Variants in SLC11A2 observed in about 807,000 individuals in gnomAD.
SLC11A2 encodes solute carrier family 11 member 2, also known as natural resistance-associated macrophage protein 2.
SLC11A2 carries 38 observed loss-of-function variants against 68.0 expected under a neutral mutation model. That is an observed-to-expected ratio of 0.56 (90% CI 0.43 to 0.73). The LOEUF is 0.73. Ranked by LOEUF, SLC11A2 falls within the 30% of genes least tolerant of loss-of-function variation. The probability of loss-of-function intolerance (pLI) is 0.00; values close to 1 mark genes in which losing one functional copy is unlikely to be tolerated. For missense variants in SLC11A2, 517 were observed against 690.5 expected (o/e 0.75, Z 2.82); for synonymous variants, 242 against 250.6 (o/e 0.97, Z 0.32).
Position 50,999,357 on chromosome 12 carries a change from A to G in SLC11A2, c.595T>C (p.Leu199=). The G allele has an allele frequency of 1.9e-6, 3 of 1,614,002 alleles. No homozygotes were observed. The highest frequency in any genetic ancestry group is 2.2e-5 in the East Asian group (1 of 44,888). The change falls in exon 7 of 16, where the codon TTG becomes CTG. Residue 199 remains leucine (L), a synonymous_variant. Transcript: ENST00000262052. ...CCGCTCTCCTTACCATATTTGTCCA[A>G]GAAGAGAAATACAAAAGTATCTGCA... ...TIADTFVFLF[L]DKYGLRKLEA... is the part of the protein sequence containing the mutation.
the SLC11A2 span, chr12:50,953,808 C>G: frequency 1.9e-6 from 1 of 522,972 alleles, no homozygotes; most frequent in African/African-American, 1.9e-5. Context: ...ATCCCCTTCC[C>G]CTGCAAAATG....
intron 3 of SLC11A2, chr12:51,005,639 AG>A: frequency 7.2e-7 from 1 of 1,395,408 alleles, no homozygotes; most frequent in Non-Finnish European, 9.5e-7. Flanking sequence ...TCCAAGTCAA[AG>A]CTCTTCCCTT....
chr12:51,024,930 T>C (rs912981430), intron 1 of SLC11A2: 1 of 152,170 alleles, frequency 6.6e-6, no homozygotes, highest in South Asian at 2.1e-4. Context: ...GCCTTTTTAG[T>C]ACTGGCTCCA....
At chr12:51,017,790 CT>C (rs1439626048) in intron 1 of SLC11A2, among the ~76,000 whole-genome samples, 1 of 152,100 alleles carries the variant, frequency 6.6e-6, no homozygotes, top group Non-Finnish European at 1.5e-5. Context: ...TTAGTGCCAC[CT>C]AAATGCAAAA....
At chr12:51,003,934 C>T (rs190034167) in intron 5 of SLC11A2, among the ~76,000 whole-genome samples, 19 of 151,518 alleles carry the variant, frequency 1.3e-4, no homozygotes, top group South Asian at 4.2e-4. Context: ...AGTGAGACTC[C>T]GTCTCAAAAA....
At chr12:50,965,303 T>G in the SLC11A2 span, among the ~76,000 whole-genome samples, 5 of 150,606 alleles carry the variant, frequency 3.3e-5, no homozygotes, top group African/African-American at 1.2e-4. Context: ...TTTTTTTTTT[T>G]GTAGAGGTGA....
chr12:50,968,723 G>A, the SLC11A2 span, among the ~76,000 whole-genome samples: 1 of 151,926 alleles, frequency 6.6e-6, no homozygotes, highest in East Asian at 1.9e-4. Flanking sequence ...TGTATTTTTA[G>A]TAGAGATGGG....
intron 1 of SLC11A2, among the ~76,000 whole-genome samples, chr12:51,022,623 T>G (rs1483426379): frequency 6.6e-6 from 1 of 152,094 alleles, no homozygotes; most frequent in Non-Finnish European, 1.5e-5. Context: ...AGATTGACCT[T>G]AACAACTTTA....
chr12:50,963,323 C>G, the SLC11A2 span, among the ~76,000 whole-genome samples: 1 of 139,558 alleles, frequency 7.2e-6, no homozygotes, highest in Non-Finnish European at 1.5e-5. Flanking sequence ...TGAACCAAAA[C>G]CACGCCACTG....
chr12:50,971,759 G>A, the SLC11A2 span, among the ~76,000 whole-genome samples: 1 of 152,174 alleles, frequency 6.6e-6, no homozygotes, highest in Non-Finnish European at 1.5e-5. Context: ...TTTCTGGTGG[G>A]TACTTCCTTT....
Position 50,987,717 on chromosome 12 carries a change from T to C in SLC11A2, c.*608A>G, listed in dbSNP as rs2073159187. Reference sequence around the variant, plus strand: ...TGTCAGTTTTTCCCCTTCTTTGTTTTCTCACCCCTCTTAACTTCCACTGAG... The same window carrying C: ...TGTCAGTTTTTCCCCTTCTTTGTTTCCTCACCCCTCTTAACTTCCACTGAG... On this transcript the variant is annotated 3_prime_UTR_variant, in exon 16 of 16. Coordinates refer to ENST00000262052, the MANE Select transcript of SLC11A2 (RefSeq NM_000617.3). The C allele has an allele frequency of 7.8e-7, 1 of 1,287,186 alleles. No individual in the cohort carries two copies. Among genetic ancestry groups the C allele is most frequent in the African/African-American group, 1.5e-5 (1 of 65,918 alleles). The allele number at this position is 1,287,186 out of a possible 1,614,324, so 79.7% of individuals were successfully genotyped here.
intron 2 of SLC11A2, among the ~76,000 whole-genome samples, 188 bp downstream of exon 2, chr12:51,010,507 C>T (rs1466061426): frequency 2.1e-5 from 2 of 97,312 alleles, no homozygotes; most frequent in Non-Finnish European, 4.3e-5. Flanking sequence ...GACAGAGACT[C>T]CACCTCAAAA....
At chr12:51,021,064 C>A (rs371696603) in intron 1 of SLC11A2, among the ~76,000 whole-genome samples, 1 of 152,200 alleles carries the variant, frequency 6.6e-6, no homozygotes, top group East Asian at 1.9e-4. Flanking sequence ...ACGCTCCAGG[C>A]TGGATGACAA....
chr12:51,028,288 G>T (rs755902198), upstream of SLC11A2: 23 of 1,314,464 alleles, frequency 1.7e-5, no homozygotes, highest in Non-Finnish European at 2.3e-5. Context: ...AGACAAGTGC[G>T]CCTCCCTCAG....
chr12:50,983,083 C>T (rs1201019607), downstream of SLC11A2, among the ~76,000 whole-genome samples: 1 of 151,678 alleles, frequency 6.6e-6, no homozygotes, highest in African/African-American at 2.4e-5. Flanking sequence ...GTGCCAATGA[C>T]ACAATCTTGG....
In SLC11A2 at chr12:50,999,384, T is replaced by C. The variant is rs772767300; in HGVS notation, c.568A>G (p.Ile190Val). ...AAGAGAAATACAAAAGTATCTGCAA[T>C]GGTGATGAGAACGCCACCCCACAGA... ...IPLWGGVLIT[I>V]ADTFVFLFLD... The change falls in exon 7 of 16, where the codon ATT becomes GTT. Residue 190 changes from isoleucine to valine, a missense_variant. Ile to Val is a conservative substitution (Grantham distance 29). Coordinates refer to ENST00000262052, the MANE Select transcript of SLC11A2 (RefSeq NM_000617.3). 3.1e-6 allele frequency: 5 copies of C among 1,613,848 alleles called. No individual in the cohort carries two copies. The African/African-American group carries it at 5.3e-5, about 17-fold the overall frequency.
chr12:50,984,303 G>C (rs73297966), downstream of SLC11A2, among the ~76,000 whole-genome samples: 4,297 of 152,224 alleles, frequency 0.028, 207 homozygotes, highest in African/African-American at 0.099. Flanking sequence ...TTTCCAACTA[G>C]TGGGCTAGGA....
chr12:50,983,796 C>A (rs1445435136), downstream of SLC11A2, among the ~76,000 whole-genome samples: 1 of 151,998 alleles, frequency 6.6e-6, no homozygotes, highest in East Asian at 1.9e-4. Context: ...CATGGTGAAT[C>A]CCCATCTCTA....
At position 51,008,242 on chromosome 12, in the gene SLC11A2, AT is replaced by A. The variant is rs1315200223; in HGVS notation, c.183+233del. 392 of 430,288 alleles carry A rather than the reference AT, an allele frequency of 9.1e-4. 3 individuals carry two copies. The highest frequency in any genetic ancestry group is 1.1e-3 in the Non-Finnish European group (268 of 237,266). The allele number at this position is 430,288 out of a possible 1,614,324, so 26.7% of individuals were successfully genotyped here. A position where few individuals can be genotyped will look rare whatever the true frequency, so the allele number is the denominator to read the frequency against. ...GATAGACAGATAGATAGATAGATAG[AT>A]AGATAGATAGATAGATAGACGGACA... is the stretch of plus-strand genomic sequence containing the variant. On this transcript the variant is annotated intron_variant, in intron 3 of 15. Coordinates refer to ENST00000262052, the MANE Select transcript of SLC11A2 (RefSeq NM_000617.3).
Sources: gnomAD v4.1 joint callset for allele counts (sites outside exome capture counted in the v4.1 genomes callset) on GRCh38, gnomAD v4.1.1 for gene constraint, MANE v1.5 for transcripts, NCBI Gene and HGNC (gene_info 2026-07-23, HGNC 2026-07-21) for gene names.